SIPA1L3: variants seen among roughly 807,000 people sequenced by gnomAD.
SIPA1L3 encodes signal induced proliferation associated 1 like 3.
Under a neutral mutation model 150.1 loss-of-function variants are expected in SIPA1L3, and 59 were observed. The observed-to-expected ratio is 0.39, with a 90% CI of 0.32 to 0.49. The LOEUF (loss-of-function observed/expected upper bound fraction) is 0.49. SIPA1L3 is among the 20% of genes least tolerant of loss of function. SIPA1L3 has a pLI of 0.86. For missense variants in SIPA1L3, 2,211 were observed against 2,489.5 expected (o/e 0.89, Z 2.38); for synonymous variants, 1,070 against 1,077.6 (o/e 0.99, Z 0.14).
At chr19:38,174,977 T>G (rs779888601) in intron 15 of SIPA1L3, among the ~76,000 whole-genome samples, 1 of 152,204 alleles carries the variant, frequency 6.6e-6, no homozygotes, top group Non-Finnish European at 1.5e-5. Context: ...TATTATGTAT[T>G]GATATTTATC....
At chr19:38,039,994 T>C (rs1968877201) in intron 2 of SIPA1L3, among the ~76,000 whole-genome samples, 1 of 152,118 alleles carries the variant, frequency 6.6e-6, no homozygotes, top group Non-Finnish European at 1.5e-5. Flanking sequence ...GTGCCTGTGG[T>C]CGCAGCTACT....
Position 38,081,746 on chromosome 19 carries a change from G to C in SIPA1L3, c.181G>C (p.Ala61Pro), listed in dbSNP as rs890078136. Residue 61 changes from alanine to proline, a missense_variant, in exon 3 of 22, where the codon GCC (alanine) becomes CCC (proline). Physicochemically the swap from Ala to Pro is conservative, Grantham distance 27. Coordinates refer to ENST00000222345, the MANE Select transcript of SIPA1L3 (RefSeq NM_015073.3). ...GESPATATAT[A>P]TATTRPSPTT... ...GAGCCCGGCCACCGCCACCGCCACC[G>C]CCACCGCCACCACCCGCCCCAGCCC... 1 of 1,599,240 alleles carries C rather than the reference G, an allele frequency of 6.3e-7. No individual in the cohort carries two copies. The highest frequency in any genetic ancestry group is 1.1e-5 in the South Asian group (1 of 90,258).
chr19:38,093,599 C>T (rs964095537), intron 4 of SIPA1L3, among the ~76,000 whole-genome samples: 2 of 152,164 alleles, frequency 1.3e-5, no homozygotes, highest in East Asian at 1.9e-4. Flanking sequence ...GTTGAGCTCA[C>T]GGATGGGGTT....
intron 1 of SIPA1L3, among the ~76,000 whole-genome samples, chr19:37,975,107 G>A (rs913181204): frequency 1.3e-5 from 2 of 152,186 alleles, no homozygotes; most frequent in African/African-American, 2.4e-5. Context: ...CAGGAACATC[G>A]TTAAGCAAAT....
At chr19:38,048,776 TC>T (rs1969117838) in intron 2 of SIPA1L3, among the ~76,000 whole-genome samples, 1 of 152,164 alleles carries the variant, frequency 6.6e-6, no homozygotes, top group Non-Finnish European at 1.5e-5. Flanking sequence ...TCCTGCATCA[TC>T]CACCCTCAGT....
At chr19:38,087,092 T>C (rs1970150030) in intron 3 of SIPA1L3, among the ~76,000 whole-genome samples, 1 of 152,202 alleles carries the variant, frequency 6.6e-6, no homozygotes, top group Non-Finnish European at 1.5e-5. Context: ...AACTGGATTT[T>C]ACAAGGAGGT....
At chr19:38,143,002 A>T (rs1032345079) in intron 12 of SIPA1L3, among the ~76,000 whole-genome samples, 2 of 151,806 alleles carry the variant, frequency 1.3e-5, no homozygotes, top group African/African-American at 4.8e-5. Flanking sequence ...CATGCATCTA[A>T]CTCTCTCCAG....
chr19:38,143,486 C>T (rs1222712915), intron 12 of SIPA1L3, among the ~76,000 whole-genome samples: 1 of 151,866 alleles, frequency 6.6e-6, no homozygotes, highest in East Asian at 1.9e-4. Context: ...CTTCATCTCA[C>T]CTCCCCTGGT....
chr19:38,116,523 C>CT (rs770191811), intron 8 of SIPA1L3, among the ~76,000 whole-genome samples: 1 of 84,154 alleles, frequency 1.2e-5, no homozygotes, highest in Non-Finnish European at 2.0e-5. Flanking sequence ...AAGACTCTGT[C>CT]TCAAAAAAAA....
At chr19:37,938,210 T>C (rs961187243) in intron 1 of SIPA1L3, among the ~76,000 whole-genome samples, 1 of 152,246 alleles carries the variant, frequency 6.6e-6, no homozygotes, top group African/African-American at 2.4e-5. Context: ...ACCATGTTTT[T>C]GTTTTAGGCA....
intron 2 of SIPA1L3, among the ~76,000 whole-genome samples, chr19:38,078,441 C>A (rs1042208353): frequency 4.6e-5 from 5 of 109,464 alleles, no homozygotes; most frequent in Non-Finnish European, 1.0e-4. Flanking sequence ...CATACATGCA[C>A]ACACACACAC....
At position 38,119,535 on chromosome 19, in the gene SIPA1L3, AC is replaced by A. The variant is rs1218199314; in HGVS notation, c.2523del (p.Gly842AlafsTer8). On this transcript the variant is annotated frameshift_variant, in exon 9 of 22. Coordinates refer to ENST00000222345, the MANE Select transcript of SIPA1L3 (RefSeq NM_015073.3). LOFTEE classifies it high-confidence loss of function. The stretch of plus-strand genomic sequence containing the variant: ...TGTCTCCAACACCCCCATCGACTCC[AC>A]CGGCAAATTCAACCTCATCTCCCTG... ...NCVSNTPIDS[T>X]GKFNLISLTS... is the part of the protein sequence containing the mutation. 1 of 1,614,126 alleles carries A rather than the reference AC, an allele frequency of 6.2e-7. No homozygotes were observed. Among genetic ancestry groups the A allele is most frequent in the Non-Finnish European group, 8.5e-7 (1 of 1,180,020 alleles).
At chr19:37,956,788 A>G (rs1568478645) in intron 1 of SIPA1L3, among the ~76,000 whole-genome samples, 1 of 152,100 alleles carries the variant, frequency 6.6e-6, no homozygotes, top group Admixed American at 6.5e-5. Context: ...CCACCCTAAT[A>G]TAAAAGTTTT....
intron 5 of SIPA1L3, among the ~76,000 whole-genome samples, chr19:38,100,447 C>T (rs1432855436): frequency 1.3e-5 from 2 of 152,168 alleles, no homozygotes; most frequent in Non-Finnish European, 2.9e-5. Flanking sequence ...CCTCCCCGCT[C>T]CACATGCTGG....
Position 38,178,086 on chromosome 19 carries a change from G to GGTGTGTGTGT in SIPA1L3, c.4209-4390_4209-4381dup, listed in dbSNP as rs765404105. Among the ~76,000 whole-genome samples, 181 of 130,998 alleles carry GGTGTGTGTGT rather than the reference G, an allele frequency of 1.4e-3. 3 individuals are homozygous for GGTGTGTGTGT. Among genetic ancestry groups the GGTGTGTGTGT allele is most frequent in the Non-Finnish European group, 1.9e-3 (119 of 61,394 alleles). 85.9% of individuals were successfully genotyped at this position (130,998 alleles called of 152,430 possible). On this transcript the variant is annotated intron_variant, in intron 15 of 21. Transcript: ENST00000222345. Reference sequence around the variant, plus strand: ...CCTGTGTGTGCTTGTGCAGGCTTTTGGTGTGTGTGTGTGTGTGTGTGTGTG... The same window carrying GGTGTGTGTGT: ...CCTGTGTGTGCTTGTGCAGGCTTTTGGTGTGTGTGTGTGTGTGTGTGTGTGTGTGTGTGTG...
chr19:37,981,584 C>T (rs534181209), intron 1 of SIPA1L3, among the ~76,000 whole-genome samples: 94 of 152,128 alleles, frequency 6.2e-4, no homozygotes, highest in Non-Finnish European at 1.1e-3. Flanking sequence ...CCATAGATGC[C>T]GGCAATTATT....
rs373861848 is a variant in SIPA1L3, at chr19:38,198,556, G to T, written c.4984+24G>T. ...AGGTAGGCGCCTTCCACCCAGTCCC[G>T]CCAGGCCCCCACCCCGTCCTCTGTT... On this transcript the variant is annotated intron_variant, in intron 19 of 21. Coordinates refer to ENST00000222345, the MANE Select transcript of SIPA1L3 (RefSeq NM_015073.3). The T allele has an allele frequency of 4.5e-5, 67 of 1,481,930 alleles. 1 individual carries two copies. In the South Asian group the frequency reaches 8.9e-4, roughly 20 times the overall value. 91.8% of individuals were successfully genotyped at this position (1,481,930 alleles called of 1,614,324 possible). A position where few individuals can be genotyped will look rare whatever the true frequency, so the allele number is the denominator to read the frequency against.
chr19:38,027,355 A>G (rs900237693), intron 1 of SIPA1L3, among the ~76,000 whole-genome samples: 5 of 152,114 alleles, frequency 3.3e-5, no homozygotes, highest in Non-Finnish European at 5.9e-5. Context: ...AGTCCCTGGC[A>G]TGAGAAAGGT....
Position 38,101,201 on chromosome 19 carries a change from G to A in SIPA1L3, c.2004G>A (p.Lys668=). 8 of 1,592,344 alleles carry A rather than the reference G, an allele frequency of 5.0e-6. No homozygotes were observed. Among genetic ancestry groups the A allele is most frequent in the Non-Finnish European group, 6.0e-6 (7 of 1,170,132 alleles). Residue 668 remains lysine (K), a synonymous_variant, in exon 6 of 22, where the codon AAG becomes AAA. Coordinates refer to ENST00000222345, the MANE Select transcript of SIPA1L3 (RefSeq NM_015073.3). The stretch of plus-strand genomic sequence containing the variant: ...AGGTCTGCCTGAAGGGCTTCACCAA[G>A]TACGCTGCCCAGCTGGACGTCAAGA... ...GEKVCLKGFT[K]YAAQLDVKTD... is the part of the protein sequence containing the mutation.
Sources: gnomAD v4.1 joint callset for allele counts (sites outside exome capture counted in the v4.1 genomes callset) on GRCh38, gnomAD v4.1.1 for gene constraint, MANE v1.5 for transcripts, NCBI Gene and HGNC (gene_info 2026-07-23, HGNC 2026-07-21) for gene names.